The following DNER variants were observed in gnomAD, a reference collection of about 807,000 sequenced individuals.
DNER encodes the protein delta and Notch-like epidermal growth factor-related receptor.
Under a neutral mutation model 78.2 loss-of-function variants are expected in DNER, and 33 were observed. That is an observed-to-expected ratio of 0.42 (90% CI 0.32 to 0.56). The LOEUF is 0.56. DNER is among the 20% of genes least tolerant of loss of function. The probability of loss-of-function intolerance (pLI) is 0.11; values close to 1 mark genes in which losing one functional copy is unlikely to be tolerated. For synonymous variants in DNER, 417 were observed against 384.8 expected (o/e 1.08, Z -0.98); for missense variants, 918 against 975.3 (o/e 0.94, Z 0.78).
At chr2:229,605,566 C>T (rs1697918654) in intron 1 of DNER, among the ~76,000 whole-genome samples, 1 of 152,172 alleles carries the variant, frequency 6.6e-6, no homozygotes, top group African/African-American at 2.4e-5. Flanking sequence ...TTCAAGCTAA[C>T]AATTTTTGAA....
chr2:229,639,506 G>A (rs112252116), intron 1 of DNER, among the ~76,000 whole-genome samples: 17 of 152,002 alleles, frequency 1.1e-4, no homozygotes, highest in African/African-American at 4.1e-4. Flanking sequence ...TGCCCACCTC[G>A]GCCTCCCAAA....
intron 2 of DNER, among the ~76,000 whole-genome samples, chr2:229,590,297 G>A (rs1236695294): frequency 6.6e-6 from 1 of 152,170 alleles, no homozygotes; most frequent in Non-Finnish European, 1.5e-5. Flanking sequence ...AACTTGATAG[G>A]AGAAGTTCCA....
At chr2:229,403,494 A>T (rs1236328733) in intron 10 of DNER, among the ~76,000 whole-genome samples, 1 of 152,308 alleles carries the variant, frequency 6.6e-6, no homozygotes, top group Admixed American at 6.5e-5. Flanking sequence ...TCCATGGAGC[A>T]TCTCCTGGGA....
chr2:229,654,732 C>T (rs909250944), intron 1 of DNER, among the ~76,000 whole-genome samples: 2 of 152,124 alleles, frequency 1.3e-5, no homozygotes, highest in African/African-American at 2.4e-5. Context: ...GCTACAGACG[C>T]TATAATCAGA....
At chr2:229,435,061 A>G (rs1694093131) in intron 8 of DNER, among the ~76,000 whole-genome samples, 1 of 152,188 alleles carries the variant, frequency 6.6e-6, no homozygotes, top group Admixed American at 6.5e-5. Flanking sequence ...CCTCCTATCA[A>G]GAAACAGAGT....
intron 1 of DNER, among the ~76,000 whole-genome samples, chr2:229,612,582 C>G (rs1385336004): frequency 6.6e-6 from 1 of 152,232 alleles, no homozygotes; most frequent in Admixed American, 6.5e-5. Flanking sequence ...GCTTGCAGCT[C>G]TATGATTCCA....
intron 1 of DNER, among the ~76,000 whole-genome samples, chr2:229,673,391 G>C (rs745906230): frequency 1.3e-5 from 2 of 152,194 alleles, no homozygotes; most frequent in Admixed American, 6.5e-5. Context: ...TGAAACCAAC[G>C]TGGCCCCTTC....
chr2:229,374,273 A>T (rs1692552485), intron 11 of DNER, among the ~76,000 whole-genome samples: 1 of 152,198 alleles, frequency 6.6e-6, no homozygotes, highest in African/African-American at 2.4e-5. Context: ...AAATGGTTAA[A>T]AAACTAATGG....
At chr2:229,510,307 T>C (rs997069204) in intron 6 of DNER, among the ~76,000 whole-genome samples, 1 of 152,194 alleles carries the variant, frequency 6.6e-6, no homozygotes, top group Non-Finnish European at 1.5e-5. Flanking sequence ...AGAATCTCAC[T>C]GCGAAGGGAT....
chr2:229,503,481 A>G (rs146298024), intron 6 of DNER, among the ~76,000 whole-genome samples: 52 of 152,344 alleles, frequency 3.4e-4, no homozygotes, highest in African/African-American at 1.3e-3. Context: ...AGGATGCACT[A>G]TCATCTCGAA....
chr2:229,361,485 A>C (rs1162007773), intron 12 of DNER, among the ~76,000 whole-genome samples: 2 of 152,172 alleles, frequency 1.3e-5, no homozygotes, highest in Non-Finnish European at 2.9e-5. Flanking sequence ...AGTCAAGCCT[A>C]TTCACACTTC....
chr2:229,366,975 A>G lies in DNER; in HGVS notation c.2000T>C (p.Ile667Thr). ...TGGCCTGGAAGAACCCTGGTATTCA[A>G]TGCGGCTGATGCGGCAAATCCCCAC... The part of the protein sequence containing the change: ...LIVGICRISR[I>T]EYQGSSRPAY... The change falls in exon 12 of 13, where the codon ATT becomes ACT. Residue 667 changes from isoleucine to threonine, a missense_variant. Physicochemically the swap from Ile to Thr is moderately conservative, Grantham distance 89 (BLOSUM62 -1). Transcript: ENST00000341772. 6.2e-7 allele frequency: 1 copy of G among 1,614,162 alleles called. No homozygotes were observed. The highest frequency in any genetic ancestry group is 8.5e-7 in the Non-Finnish European group (1 of 1,180,024).
intron 7 of DNER, among the ~76,000 whole-genome samples, chr2:229,449,181 C>T (rs1694400671): frequency 6.6e-6 from 1 of 152,176 alleles, no homozygotes; most frequent in Admixed American, 6.5e-5. Context: ...CAAAAAGTTT[C>T]TTGGCAGCCT....
chr2:229,440,049 A>G (rs75098367), intron 8 of DNER, among the ~76,000 whole-genome samples: 1,761 of 152,364 alleles, frequency 0.012, 13 homozygotes, highest in Non-Finnish European at 0.019. Context: ...GTTTTCATAC[A>G]TATGGATTAA....
intron 1 of DNER, among the ~76,000 whole-genome samples, chr2:229,650,910 A>G (rs185335290): frequency 1.0e-3 from 157 of 152,326 alleles, no homozygotes; most frequent in Non-Finnish European, 2.0e-3. Flanking sequence ...GCCTGGGATC[A>G]ACCCATTGTG....
chr2:229,461,080 G>T (rs1394381189), intron 7 of DNER, among the ~76,000 whole-genome samples: 1 of 152,020 alleles, frequency 6.6e-6, no homozygotes. Flanking sequence ...GGTGGAAAAG[G>T]CTTTGGGTCA....
chr2:229,472,498 G>C (rs1223779859), intron 7 of DNER, among the ~76,000 whole-genome samples: 2 of 152,090 alleles, frequency 1.3e-5, no homozygotes, highest in African/African-American at 4.8e-5. Context: ...AATGGCTAGA[G>C]AGTAGTATTC....
intron 1 of DNER, among the ~76,000 whole-genome samples, chr2:229,607,091 T>A (rs1484254746): frequency 6.6e-6 from 1 of 152,224 alleles, no homozygotes; most frequent in Admixed American, 6.5e-5. Context: ...CACTTGGAAC[T>A]GTGGATAAAC....
At chr2:229,653,223 T>C (rs1045625487) in intron 1 of DNER, among the ~76,000 whole-genome samples, 1 of 152,224 alleles carries the variant, frequency 6.6e-6, no homozygotes, top group Non-Finnish European at 1.5e-5. Flanking sequence ...TTTCTGGCTT[T>C]GGGAGGCAGC....
Sources: allele counts gnomAD v4.1 joint callset (sites outside exome capture counted in the v4.1 genomes callset), GRCh38; gene constraint gnomAD v4.1.1; transcripts MANE v1.5; gene names NCBI Gene and HGNC (gene_info 2026-07-23, HGNC 2026-07-21).